Variants in TOR1AIP2 observed in about 807,000 individuals in gnomAD.
TOR1AIP2 encodes torsin 1A interacting protein 2.
Under a neutral mutation model 32.6 loss-of-function variants are expected in TOR1AIP2, and 20 were observed. That is an observed-to-expected ratio of 0.61 (90% CI 0.43 to 0.89). The LOEUF (loss-of-function observed/expected upper bound fraction) is 0.89. TOR1AIP2 is among the 40% of genes least tolerant of loss of function. TOR1AIP2 has a pLI of 0.00. For synonymous variants in TOR1AIP2, 214 were observed against 210.8 expected, an observed-to-expected ratio of 1.02 and a Z score of -0.13; for missense variants, 456 against 553.8, an observed-to-expected ratio of 0.82 and a Z score of 1.77.
Position 179,861,510 on chromosome 1 carries a change from T to C in TOR1AIP2, c.-147+3926A>G, listed in dbSNP as rs1696530071. ...GTAACCCTCTTAATATTAAAATTAATATTTTTGATTCATTTTTCTTGCCCA... is the reference window on the plus strand; with the variant it reads ...GTAACCCTCTTAATATTAAAATTAACATTTTTGATTCATTTTTCTTGCCCA... On this transcript the variant is annotated intron_variant, in intron 3 of 6. Coordinates refer to ENST00000609928, the MANE Select transcript of TOR1AIP2 (RefSeq NM_001199260.2). 4 of 984,268 alleles carry C rather than the reference T, an allele frequency of 4.1e-6. No homozygotes were observed. In the South Asian group the frequency reaches 1.9e-4, roughly 46 times the overall value. The allele number at this position is 984,268 out of a possible 1,614,324, so 61.0% of individuals were successfully genotyped here. A position where few individuals can be genotyped will look rare whatever the true frequency, so the allele number is the denominator to read the frequency against.
intron 2 of TOR1AIP2, chr1:179,875,657 C>T (rs1314458021): frequency 6.6e-6 from 1 of 151,952 alleles, no homozygotes; most frequent in African/African-American, 2.4e-5. Context: ...GAATTTTCTT[C>T]CCAGAAATTT....
In TOR1AIP2 at chr1:179,842,759, A is replaced by T. The variant is rs556851616; in HGVS notation, c.*3312T>A. 6.6e-6 allele frequency: 1 copy of T among 152,344 alleles called. No individual in the cohort carries two copies. Among genetic ancestry groups the T allele is most frequent in the Admixed American group, 6.5e-5 (1 of 15,310 alleles). 9.4% of individuals were successfully genotyped at this position (152,344 alleles called of 1,614,324 possible). On this transcript the variant is annotated 3_prime_UTR_variant, in exon 7 of 7. Transcript: ENST00000609928. Reference sequence around the variant, plus strand: ...AAAATCTGAAACCTTAAAAAATGTCAATAGGCCGGGTGCGGTGGCTCACGC... The same window carrying T: ...AAAATCTGAAACCTTAAAAAATGTCTATAGGCCGGGTGCGGTGGCTCACGC...
At chr1:179,847,710 C>T (rs1310681982) in intron 5 of TOR1AIP2, 74 bp from the exon 6 acceptor site, 27 of 1,016,216 alleles carry the variant, frequency 2.7e-5, no homozygotes, top group Non-Finnish European at 3.9e-5. Context: ...ATATCTCTCA[C>T]CAAACCAAAG....
intron 5 of TOR1AIP2, among the ~76,000 whole-genome samples, 198 bp downstream of exon 5, chr1:179,850,647 G>C (rs1019573342): frequency 3.9e-5 from 6 of 152,244 alleles, no homozygotes; most frequent in African/African-American, 1.4e-4. Context: ...TAATATAGTG[G>C]AATGAGCTAG....
chr1:179,856,717 A>G (rs1258293174), intron 3 of TOR1AIP2, among the ~76,000 whole-genome samples: 1 of 152,152 alleles, frequency 6.6e-6, no homozygotes, highest in African/African-American at 2.4e-5. Context: ...TCCAGGTTCA[A>G]GCGATTCTCG....
In TOR1AIP2 at chr1:179,859,770, C is replaced by G. The variant is rs375173444; in HGVS notation, c.-147+5666G>C. ...ACCCAAGACCATCTGACTTATACTA[C>G]AGGCTCAACCTCATCCCCAAACCAA... On this transcript the variant is annotated intron_variant, in intron 3 of 6. Coordinates refer to ENST00000609928, the MANE Select transcript of TOR1AIP2 (RefSeq NM_001199260.2). The G allele has an allele frequency of 3.3e-5, 33 of 985,478 alleles. No homozygotes were observed. The South Asian group carries it at 1.5e-3, about 45-fold the overall frequency. The allele number at this position is 985,478 out of a possible 1,614,324, so 61.0% of individuals were successfully genotyped here. A position where few individuals can be genotyped will look rare whatever the true frequency, so the allele number is the denominator to read the frequency against.
intron 3 of TOR1AIP2, chr1:179,859,467 G>A (rs1049501296): frequency 4.6e-5 from 45 of 985,290 alleles, no homozygotes; most frequent in South Asian, 9.4e-5. Context: ...CAAGCACCCT[G>A]ACTCTGGAAA....
In TOR1AIP2 at chr1:179,850,961, C is replaced by T. The variant is rs149853908; in HGVS notation, c.437G>A (p.Gly146Glu). 1.8e-5 allele frequency: 29 copies of T among 1,614,088 alleles called. No individual in the cohort carries two copies. In the African/African-American group the frequency reaches 3.3e-4, roughly 19 times the overall value. ...SVALPKEASDGTGASQEPPTT... is the reference protein window; with the variant it reads ...SVALPKEASDETGASQEPPTT... The stretch of plus-strand genomic sequence containing the variant: ...AGGTGGTTCCTGAGATGCTCCAGTT[C>T]CGTCACTCGCTTCCTTAGGGAGGGC... Residue 146 changes from glycine to glutamate, a missense_variant, in exon 5 of 7, where the codon GGA becomes GAA. Gly to Glu is a moderately conservative substitution (Grantham distance 98). Coordinates refer to ENST00000609928, the MANE Select transcript of TOR1AIP2 (RefSeq NM_001199260.2).
chr1:179,866,564 C>T (rs1696784311), intron 2 of TOR1AIP2, among the ~76,000 whole-genome samples: 1 of 152,144 alleles, frequency 6.6e-6, no homozygotes. Context: ...TGCCACCATG[C>T]CCGGCTAATT....
chr1:179,861,625 G>A (rs1454991096), intron 3 of TOR1AIP2: 23 of 985,306 alleles, frequency 2.3e-5, no homozygotes, highest in Non-Finnish European at 2.8e-5. Context: ...TGAGAAAAAT[G>A]TGGCTGAGTT....
At chr1:179,870,436 T>G (rs1696971922) in intron 2 of TOR1AIP2, among the ~76,000 whole-genome samples, 1 of 151,930 alleles carries the variant, frequency 6.6e-6, no homozygotes, top group African/African-American at 2.4e-5. Context: ...CACATGTGCA[T>G]TTTTTTCCAA....
intron 3 of TOR1AIP2, chr1:179,864,637 G>C (rs1433065115): frequency 1.1e-5 from 16 of 1,448,722 alleles, no homozygotes; most frequent in Non-Finnish European, 1.4e-5. Flanking sequence ...AATATGTATA[G>C]GCCACGGAAG....
chr1:179,876,908 G>A (rs1647359827), intron 2 of TOR1AIP2, among the ~76,000 whole-genome samples: 1 of 151,906 alleles, frequency 6.6e-6, no homozygotes, highest in Non-Finnish European at 1.5e-5. Context: ...AATACAATTG[G>A]GAGAATGGTA....
At chr1:179,860,471 G>A in intron 3 of TOR1AIP2, 3 of 985,186 alleles carry the variant, frequency 3.0e-6, no homozygotes, top group Non-Finnish European at 3.6e-6. Flanking sequence ...GACAGAACGA[G>A]ACTCTGTCTC....
At chr1:179,857,222 C>T (rs1200769272) in intron 3 of TOR1AIP2, among the ~76,000 whole-genome samples, 2 of 152,166 alleles carry the variant, frequency 1.3e-5, no homozygotes, top group Non-Finnish European at 2.9e-5. Flanking sequence ...CTATACGTGG[C>T]GGTTATAATG....
At chr1:179,855,889 G>A (rs747403068) in intron 3 of TOR1AIP2, among the ~76,000 whole-genome samples, 1 of 152,126 alleles carries the variant, frequency 6.6e-6, no homozygotes, top group African/African-American at 2.4e-5. Flanking sequence ...TAGCAGTGAA[G>A]TACTGCTGAC....
intron 3 of TOR1AIP2, chr1:179,865,014 C>T: frequency 6.2e-7 from 1 of 1,614,040 alleles, no homozygotes; most frequent in Non-Finnish European, 8.5e-7. Context: ...GCAGGATTAT[C>T]AGGATAACAC....
intron 3 of TOR1AIP2, chr1:179,861,905 G>C (rs1431082017): frequency 5.4e-6 from 5 of 931,700 alleles, no homozygotes; most frequent in Non-Finnish European, 1.3e-6. Context: ...TGACTATCTT[G>C]CCCAGGCTGG....
At chr1:179,850,687 A>G (rs1325298183) in intron 5 of TOR1AIP2, among the ~76,000 whole-genome samples, 158 bp downstream of exon 5, 1 of 152,230 alleles carries the variant, frequency 6.6e-6, no homozygotes, top group Non-Finnish European at 1.5e-5. Context: ...TCTAAAATCA[A>G]CTCAGTCATG....
Sources: allele counts gnomAD v4.1 joint callset (sites outside exome capture counted in the v4.1 genomes callset), GRCh38; gene constraint gnomAD v4.1.1; transcripts MANE v1.5; gene names NCBI Gene and HGNC (gene_info 2026-07-23, HGNC 2026-07-21).